Variants in BSDC1 observed in about 807,000 individuals in gnomAD.
BSDC1 encodes the protein BSD domain containing 1.
A neutral mutation model predicts 56.0 loss-of-function variants in BSDC1; 29 were observed. That is an observed-to-expected ratio of 0.52 (90% confidence interval 0.39 to 0.71). The LOEUF (loss-of-function observed/expected upper bound fraction) is 0.71. Among genes scored for constraint, BSDC1 ranks in the 30% least tolerant of loss-of-function variants. BSDC1 has a pLI of 0.00. For synonymous variants in BSDC1, 210 were observed against 215.3 expected (o/e 0.98, Z 0.21); for missense variants, 477 against 548.5 (o/e 0.87, Z 1.30).
At chr1:32,390,939 T>A (rs1642845379) in intron 2 of BSDC1, among the ~76,000 whole-genome samples, 1 of 151,772 alleles carries the variant, frequency 6.6e-6, no homozygotes, top group African/African-American at 2.4e-5. Context: ...ACACTAAAGT[T>A]CAGGCAAAAG....
In BSDC1 at chr1:32,378,761, A is replaced by G. The variant is rs1041607933; in HGVS notation, c.491T>C (p.Val164Ala). The G allele has an allele frequency of 5.2e-6, 8 of 1,547,012 alleles. No individual in the cohort carries two copies. Among genetic ancestry groups the G allele is most frequent in the South Asian group, 1.2e-5 (1 of 82,734 alleles). The change falls in exon 6 of 11, where the codon GTA (valine) becomes GCA (alanine). Residue 164 changes from valine to alanine, a missense_variant. Val to Ala is a moderately conservative substitution (Grantham distance 64). Coordinates refer to ENST00000455895, the MANE Select transcript of BSDC1 (RefSeq NM_018045.8). The surrounding 1 kb of genome is among the most constrained non-coding windows in gnomAD (Gnocchi z 5.2). ...GAGGGCCCGGATGGAGGGGCTGCCT[A>G]CAAGGAGCTCTGAGATCTCCCCCTT... is the stretch of plus-strand genomic sequence containing the variant. ...EKKGEISELLVGSPSIRALYT... is the reference protein window; with the variant it reads ...EKKGEISELLAGSPSIRALYT...
chr1:32,368,972 T>A (rs1641966539), intron 9 of BSDC1, among the ~76,000 whole-genome samples: 1 of 152,216 alleles, frequency 6.6e-6, no homozygotes, highest in Non-Finnish European at 1.5e-5. Flanking sequence ...GTGCTGGGAT[T>A]ATAGGTGTGA....
chr1:32,393,957 G>A, intron 2 of BSDC1, 123 bp downstream of exon 2: 4 of 892,534 alleles, frequency 4.5e-6, no homozygotes, highest in South Asian at 1.6e-5. Context: ...TAAAAGAAAG[G>A]CCCAGGTCAG....
At chr1:32,368,403 G>A in intron 10 of BSDC1, 44 bp downstream of exon 10, 1 of 1,614,114 alleles carries the variant, frequency 6.2e-7, no homozygotes, top group African/African-American at 1.3e-5. Flanking sequence ...CTCACACCCA[G>A]GACCATTAGG....
At chr1:32,387,620 C>T (rs1267553893) in intron 2 of BSDC1, among the ~76,000 whole-genome samples, 1 of 152,142 alleles carries the variant, frequency 6.6e-6, no homozygotes, top group Non-Finnish European at 1.5e-5. Flanking sequence ...AGATTATAGG[C>T]GTGAGCCACC....
chr1:32,376,401 A>G lies in BSDC1; in HGVS notation c.1017T>C (p.Pro339=). Residue 339 remains proline (P), a synonymous_variant, in exon 9 of 11, where the codon CCT becomes CCC. Transcript: ENST00000455895. ...GCTCTGGGCCGCCGGTGTGGCCAGC[A>G]GGCGTTAGGGGCTTGGAGTGAATAG... The part of the protein sequence containing the change: ...SPPIHSKPLT[P]AGHTGGPEPR... 6.2e-7 allele frequency: 1 copy of G among 1,613,666 alleles called. No homozygotes were observed. The highest frequency in any genetic ancestry group is 1.3e-5 in the African/African-American group (1 of 75,060).
chr1:32,394,426 G>A lies in BSDC1; in HGVS notation c.-12C>T, dbSNP rs967410626. On this transcript the variant is annotated 5_prime_UTR_variant, in exon 1 of 11. Transcript: ENST00000455895. Reference sequence around the variant, plus strand: ...CACCCTTCCGCCATCTTGCCTGCATGACATCACCACTATTTACTGACCTTT... The same window carrying A: ...CACCCTTCCGCCATCTTGCCTGCATAACATCACCACTATTTACTGACCTTT... The A allele has an allele frequency of 2.5e-6, 4 of 1,614,024 alleles. No homozygotes were observed. The highest frequency in any genetic ancestry group is 3.4e-6 in the Non-Finnish European group (4 of 1,180,038).
At position 32,381,085 on chromosome 1, in the gene BSDC1, C is replaced by T. The variant is rs906284158; in HGVS notation, c.412+129G>A. On this transcript the variant is annotated intron_variant, in intron 5 of 10. Coordinates refer to ENST00000455895, the MANE Select transcript of BSDC1 (RefSeq NM_018045.8). ...CACCCCACAAAGTATAAGGTACACA[C>T]TAGTCTCACTCTGGTCTCCCTACAT... The T allele has an allele frequency of 3.6e-5, 29 of 812,798 alleles. No homozygotes were observed. The African/African-American group carries it at 4.6e-4, about 13-fold the overall frequency. 50.3% of individuals were successfully genotyped at this position (812,798 alleles called of 1,614,324 possible).
intron 2 of BSDC1, among the ~76,000 whole-genome samples, chr1:32,391,834 A>T (rs1642875582): frequency 6.6e-6 from 1 of 152,194 alleles, no homozygotes; most frequent in Admixed American, 6.5e-5. Flanking sequence ...AGGAAAAACG[A>T]ACTGGGGGTG....
In BSDC1 at chr1:32,381,950, G is replaced by A. The variant is rs537293655; in HGVS notation, c.358-682C>T. On this transcript the variant is annotated intron_variant, in intron 4 of 10. Transcript: ENST00000455895. The stretch of plus-strand genomic sequence containing the variant: ...TGGAACAAAAGTTCAATGTGGGCCG[G>A]GTGCGGTGGCTCACGCCTGTAATCC... Among the ~76,000 whole-genome samples, 28 of 152,296 alleles carry A rather than the reference G, an allele frequency of 1.8e-4. 1 individual carries two copies. The highest frequency in any genetic ancestry group is 1.4e-3 in the Admixed American group (22 of 15,292).
intron 3 of BSDC1, among the ~76,000 whole-genome samples, chr1:32,386,098 T>C (rs936433357): frequency 6.6e-6 from 1 of 152,076 alleles, no homozygotes; most frequent in East Asian, 1.9e-4. Context: ...GGTGGGCAGA[T>C]CACAAGGTCA....
intron 9 of BSDC1, among the ~76,000 whole-genome samples, chr1:32,371,313 T>TA (rs1221659590): frequency 6.7e-6 from 1 of 148,234 alleles, no homozygotes; most frequent in African/African-American, 2.5e-5. Flanking sequence ...CTTTTTTTTT[T>TA]TTTTTTTTTT....
intron 2 of BSDC1, among the ~76,000 whole-genome samples, chr1:32,388,890 G>A (rs1320244074): frequency 6.6e-6 from 1 of 151,590 alleles, no homozygotes; most frequent in Non-Finnish European, 1.5e-5. Flanking sequence ...CATTTCCCTA[G>A]AGGGGCTTCC....
intron 10 of BSDC1, chr1:32,368,048 C>G: frequency 4.7e-6 from 4 of 856,498 alleles, no homozygotes; most frequent in Non-Finnish European, 5.6e-6. Context: ...TTTTTTTTTT[C>G]AAAAACAGAA....
chr1:32,375,047 G>A (rs1324079588), intron 9 of BSDC1, among the ~76,000 whole-genome samples: 2 of 152,146 alleles, frequency 1.3e-5, no homozygotes, highest in Non-Finnish European at 2.9e-5. Context: ...AGCTACTCGG[G>A]AGGCTGAGGC....
chr1:32,372,376 A>G (rs542454855), intron 9 of BSDC1, among the ~76,000 whole-genome samples: 2 of 152,350 alleles, frequency 1.3e-5, no homozygotes, highest in Admixed American at 1.3e-4. Flanking sequence ...TGGCCATGAC[A>G]GCTTTCCCTA....
chr1:32,378,744 G>A lies in BSDC1; in HGVS notation c.508C>T (p.Arg170Trp), dbSNP rs780682331. The A allele has an allele frequency of 1.9e-5, 29 of 1,531,476 alleles. No homozygotes were observed. The highest frequency in any genetic ancestry group is 5.0e-5 in the East Asian group (2 of 40,128). The allele number at this position is 1,531,476 out of a possible 1,614,324, so 94.9% of individuals were successfully genotyped here. The change falls in exon 6 of 11, where the codon CGG (arginine) becomes TGG (tryptophan). Residue 170 changes from arginine (R) to tryptophan (W), a missense_variant. Physicochemically the swap from Arg to Trp is moderately radical, Grantham distance 101 (BLOSUM62 -3). Coordinates refer to ENST00000455895, the MANE Select transcript of BSDC1 (RefSeq NM_018045.8). This position sits in a 1 kb window ranked among gnomAD's most constrained non-coding sequence, Gnocchi z 5.2. ...CTCACCATCTTGGTGTAGAGGGCCCGGATGGAGGGGCTGCCTACAAGGAGC... is the reference window on the plus strand; with the variant it reads ...CTCACCATCTTGGTGTAGAGGGCCCAGATGGAGGGGCTGCCTACAAGGAGC... ...SELLVGSPSI[R>W]ALYTKMVPAA...
chr1:32,390,309 T>C (rs1314851946), intron 2 of BSDC1, among the ~76,000 whole-genome samples: 1 of 151,612 alleles, frequency 6.6e-6, no homozygotes, highest in African/African-American at 2.4e-5. Context: ...GGAAAGAAAA[T>C]AGAAAAATGT....
At chr1:32,383,454 T>C (rs1003608148) in intron 4 of BSDC1, among the ~76,000 whole-genome samples, 2 of 136,372 alleles carry the variant, frequency 1.5e-5, no homozygotes, top group African/African-American at 5.4e-5. Flanking sequence ...CCTGTCTCAT[T>C]AAAAAAAAAA....
Sources: gnomAD v4.1 joint callset for allele counts (sites outside exome capture counted in the v4.1 genomes callset) on GRCh38, gnomAD v4.1.1 for gene constraint, Gnocchi (gnomAD v3.1) non-coding constraint, MANE v1.5 for transcripts, NCBI Gene and HGNC (gene_info 2026-07-23, HGNC 2026-07-21) for gene names.